TNS1: variants seen among roughly 807,000 people sequenced by gnomAD.
TNS1 encodes the protein tensin 1.
A neutral mutation model predicts 168.6 loss-of-function variants in TNS1; 62 were observed. That is an observed-to-expected ratio of 0.37 (90% CI 0.30 to 0.45). The LOEUF (loss-of-function observed/expected upper bound fraction) is 0.45. TNS1 is among the 20% of genes least tolerant of loss of function. TNS1 has a pLI of 1.00. For missense variants in TNS1, 2,240 were observed against 2,339.4 expected (o/e 0.96, Z 0.88); for synonymous variants, 934 against 933.2 (o/e 1.00, Z -0.02).
chr2:218,027,273 C>G (rs1454454793), intron 1 of TNS1, among the ~76,000 whole-genome samples: 1 of 152,052 alleles, frequency 6.6e-6, no homozygotes, highest in East Asian at 1.9e-4. Context: ...ACTCCACGGC[C>G]TACACGATAA....
chr2:217,909,547 G>A (rs1489641197), intron 4 of TNS1, among the ~76,000 whole-genome samples: 1 of 150,110 alleles, frequency 6.7e-6, no homozygotes, highest in Non-Finnish European at 1.5e-5. Flanking sequence ...CTAGAGGGCT[G>A]TTGACCCACA....
At position 218,016,837 on chromosome 2, in the gene TNS1, G is replaced by A. The variant is rs530483946; in HGVS notation, c.156+16983C>T. On this transcript the variant is annotated intron_variant, in intron 1 of 1. Transcript: ENST00000649572. ...GAAAACAAGCAAAGCAGCAGGGCAG[G>A]AGGAACATGAAAGGAAAGGGAGACA... is the stretch of plus-strand genomic sequence containing the variant. Among the ~76,000 whole-genome samples, 13 of 152,308 alleles carry A rather than the reference G, an allele frequency of 8.5e-5. No individual in the cohort carries two copies. In the East Asian group the frequency reaches 2.5e-3, roughly 29 times the overall value.
intron 3 of TNS1, among the ~76,000 whole-genome samples, chr2:217,975,898 G>A (rs1028658143): frequency 2.0e-5 from 3 of 152,054 alleles, no homozygotes; most frequent in Non-Finnish European, 4.4e-5. Flanking sequence ...CTCCCACCCT[G>A]GTGCCTGCTC....
intron 16 of TNS1, among the ~76,000 whole-genome samples, chr2:217,883,658 T>C (rs1434330827): frequency 1.3e-5 from 2 of 152,252 alleles, no homozygotes; most frequent in Non-Finnish European, 2.9e-5. Flanking sequence ...TTCTCTCAAC[T>C]TCTGCCCAAT....
intron 3 of TNS1, among the ~76,000 whole-genome samples, chr2:217,964,657 T>G (rs1019835562): frequency 6.6e-6 from 1 of 152,186 alleles, no homozygotes; most frequent in Admixed American, 6.5e-5. Flanking sequence ...GAGTTCTGTA[T>G]GCAGACGAGG....
intron 18 of TNS1, among the ~76,000 whole-genome samples, chr2:217,861,183 C>CTG (rs1948746583): frequency 6.6e-6 from 1 of 152,180 alleles, no homozygotes; most frequent in Non-Finnish European, 1.5e-5. Context: ...TTTAGCTCAA[C>CTG]ATAGGAAAAA....
At chr2:217,944,078 G>C (rs1240568722) in intron 3 of TNS1, 1 of 152,312 alleles carries the variant, frequency 6.6e-6, no homozygotes, top group Admixed American at 6.5e-5. Flanking sequence ...ACTGAGCAGA[G>C]GGCTCTGCTA....
intron 24 of TNS1, among the ~76,000 whole-genome samples, chr2:217,817,016 T>C (rs1339185994): frequency 6.6e-6 from 1 of 152,212 alleles, no homozygotes; most frequent in Non-Finnish European, 1.5e-5. Flanking sequence ...AAGAATTCAC[T>C]GCACAAACCT....
At chr2:217,909,895 C>T (rs1480002593) in intron 4 of TNS1, among the ~76,000 whole-genome samples, 3 of 152,202 alleles carry the variant, frequency 2.0e-5, no homozygotes, top group African/African-American at 4.8e-5. Flanking sequence ...TCAACAGGCC[C>T]GCACAGGGTT....
intron 3 of TNS1, among the ~76,000 whole-genome samples, chr2:217,950,567 G>A (rs978591353): frequency 6.6e-5 from 10 of 150,856 alleles, no homozygotes; most frequent in Admixed American, 1.3e-4. Flanking sequence ...GCTCACATGT[G>A]CTGTCCCAGG....
chr2:218,003,625 C>CT (rs202207046), upstream of TNS1, among the ~76,000 whole-genome samples: 1 of 151,588 alleles, frequency 6.6e-6, no homozygotes, highest in African/African-American at 2.4e-5. Flanking sequence ...TTTCCTATTT[C>CT]TTTTTTTTTC....
chr2:218,014,013 C>A (rs951371920), upstream of TNS1, among the ~76,000 whole-genome samples: 6 of 152,312 alleles, frequency 3.9e-5, no homozygotes, highest in Non-Finnish European at 7.4e-5. Flanking sequence ...AGGCAGCCAG[C>A]ACAGGTGTTG....
intron 1 of TNS1, among the ~76,000 whole-genome samples, chr2:218,021,606 C>T (rs148022553): frequency 1.3e-5 from 2 of 152,326 alleles, no homozygotes; most frequent in South Asian, 2.1e-4. Flanking sequence ...GGGTGGATCC[C>T]GGCACCCCAC....
chr2:217,809,448 GATGGATGGATGC>G (rs1940215741), intron 30 of TNS1, among the ~76,000 whole-genome samples: 4 of 116,016 alleles, frequency 3.4e-5, no homozygotes, highest in Admixed American at 8.6e-5. Flanking sequence ...TGGATGGATG[GATGGATGGATGC>G]ATGGATGGAT....
intron 18 of TNS1, among the ~76,000 whole-genome samples, chr2:217,863,440 C>T (rs541949981): frequency 1.3e-5 from 2 of 152,250 alleles, no homozygotes; most frequent in South Asian, 2.1e-4. Context: ...ACAGGACAGA[C>T]CCCCACAACA....
At chr2:217,834,462 T>C (rs1175894450) in intron 21 of TNS1, among the ~76,000 whole-genome samples, 1 of 152,230 alleles carries the variant, frequency 6.6e-6, no homozygotes, top group African/African-American at 2.4e-5. Flanking sequence ...TGTCTCTTCT[T>C]CTATAAAAAG....
At chr2:217,988,851 T>C (rs1001596372) in intron 2 of TNS1, among the ~76,000 whole-genome samples, 4 of 152,200 alleles carry the variant, frequency 2.6e-5, no homozygotes, top group Non-Finnish European at 5.9e-5. Flanking sequence ...TTTCCTCCTC[T>C]GTAAAACGGG....
intron 3 of TNS1, among the ~76,000 whole-genome samples, chr2:217,957,505 T>A (rs570999525): frequency 6.6e-6 from 1 of 152,172 alleles, no homozygotes; most frequent in East Asian, 1.9e-4. Flanking sequence ...ACAGTCAGCA[T>A]GTATCACCAA....
At position 217,836,086 on chromosome 2, in the gene TNS1, A is replaced by G. The variant is rs1282537114; in HGVS notation, c.3133T>C (p.Ser1045Pro). The G allele has an allele frequency of 6.2e-7, 1 of 1,613,994 alleles. No individual in the cohort carries two copies. Among genetic ancestry groups the G allele is most frequent in the Non-Finnish European group, 8.5e-7 (1 of 1,179,964 alleles). ...ATSPRSPGVR[S>P]PVQCVSPELA... Reference sequence around the variant, plus strand: ...TCCGGGGAGACACACTGGACAGGGGAGCGAACCCCAGGGCTACGAGGGGAT... The same window carrying G: ...TCCGGGGAGACACACTGGACAGGGGGGCGAACCCCAGGGCTACGAGGGGAT... The change falls in exon 20 of 33, where the codon TCC (serine) becomes CCC (proline). Residue 1045 changes from serine to proline, a missense_variant. Ser to Pro is a moderately conservative substitution (Grantham distance 74). Around this residue, in one of 2 missense-constraint regions of TNS1, gnomAD observed 2,131 missense variants for 2,171.2 expected, o/e 0.98. Coordinates refer to ENST00000682258, the MANE Select transcript of TNS1 (RefSeq NM_001387777.1).
Sources: gnomAD v4.1 joint callset for allele counts (sites outside exome capture counted in the v4.1 genomes callset) on GRCh38, gnomAD v4.1.1 for gene constraint, gnomAD v4.1.1 regional missense constraint, MANE v1.5 for transcripts, NCBI Gene and HGNC (gene_info 2026-07-23, HGNC 2026-07-21) for gene names.